The following IQGAP1 variants were observed in gnomAD, a reference collection of about 807,000 sequenced individuals.
IQGAP1 encodes the protein ras GTPase-activating-like protein IQGAP1.
Under a neutral mutation model 215.6 loss-of-function variants are expected in IQGAP1, and 66 were observed. That is an observed-to-expected ratio of 0.31 (90% CI 0.25 to 0.38). IQGAP1 has a LOEUF of 0.38. IQGAP1 is among the 10% of genes least tolerant of loss of function. The probability of loss-of-function intolerance (pLI) is 1.00; values close to 1 mark genes in which losing one functional copy is unlikely to be tolerated. For missense variants in IQGAP1, 1,712 were observed against 1,997.1 expected, an observed-to-expected ratio of 0.86 and a Z score of 2.72; for synonymous variants, 772 against 728.7, an observed-to-expected ratio of 1.06 and a Z score of -0.96.
chr15:90,399,230 C>T (rs1056208694), intron 2 of IQGAP1, among the ~76,000 whole-genome samples: 1 of 151,960 alleles, frequency 6.6e-6, no homozygotes, highest in African/African-American at 2.4e-5. Context: ...GGGATACAGG[C>T]GTGAGCAGCC....
At chr15:90,458,176 TC>T (rs1262469548) in intron 15 of IQGAP1, among the ~76,000 whole-genome samples, 1 of 152,268 alleles carries the variant, frequency 6.6e-6, no homozygotes, top group Non-Finnish European at 1.5e-5. Context: ...GCTTAGTTTA[TC>T]CAAGCTGTAG....
At chr15:90,475,022 G>C (rs570686303) in intron 23 of IQGAP1, among the ~76,000 whole-genome samples, 1 of 121,710 alleles carries the variant, frequency 8.2e-6, no homozygotes. Flanking sequence ...TTTTGCTGAC[G>C]GAGTTTCCCT....
chr15:90,409,119 G>C (rs1425644027), intron 2 of IQGAP1, among the ~76,000 whole-genome samples: 1 of 151,238 alleles, frequency 6.6e-6, no homozygotes, highest in Non-Finnish European at 1.5e-5. Context: ...TTTTCCTGCT[G>C]CTTCTTTCTC....
intron 2 of IQGAP1, among the ~76,000 whole-genome samples, chr15:90,407,564 C>T (rs1964897177): frequency 6.6e-6 from 1 of 152,156 alleles, no homozygotes; most frequent in African/African-American, 2.4e-5. Context: ...ACCCGTGTTG[C>T]AGATTTTCAG....
chr15:90,394,166 A>G (rs1596244945), intron 2 of IQGAP1, among the ~76,000 whole-genome samples: 2 of 132,102 alleles, frequency 1.5e-5, no homozygotes, highest in Non-Finnish European at 3.3e-5. Flanking sequence ...AAGGCAGTGG[A>G]GACATTTGTG....
intron 15 of IQGAP1, among the ~76,000 whole-genome samples, chr15:90,457,491 A>G (rs879497399): frequency 4.6e-5 from 7 of 151,742 alleles, no homozygotes; most frequent in Non-Finnish European, 8.8e-5. Flanking sequence ...CAATGACGCA[A>G]TCTCAGCTCA....
chr15:90,408,466 CATAA>C (rs2151006037), intron 2 of IQGAP1, among the ~76,000 whole-genome samples: 1 of 152,002 alleles, frequency 6.6e-6, no homozygotes, highest in East Asian at 1.9e-4. Flanking sequence ...CCCTTATGTA[CATAA>C]ATAACTATTA....
At chr15:90,388,573 C>T (rs981340694) in intron 1 of IQGAP1, among the ~76,000 whole-genome samples, 177 bp downstream of exon 1, 3 of 152,058 alleles carry the variant, frequency 2.0e-5, no homozygotes, top group African/African-American at 4.8e-5. Context: ...TGGTTCGCGC[C>T]CCCTCGGGGT....
At chr15:90,414,096 C>T (rs1031097607) in intron 2 of IQGAP1, among the ~76,000 whole-genome samples, 1 of 152,146 alleles carries the variant, frequency 6.6e-6, no homozygotes, top group Non-Finnish European at 1.5e-5. Context: ...CAGGACATGT[C>T]ACCATCTCAG....
At chr15:90,425,288 C>T (rs1359339054) in intron 2 of IQGAP1, among the ~76,000 whole-genome samples, 4 of 151,334 alleles carry the variant, frequency 2.6e-5, no homozygotes, top group Non-Finnish European at 5.9e-5. Context: ...CCAGGCTGGG[C>T]AATAGAGTGA....
intron 4 of IQGAP1, among the ~76,000 whole-genome samples, chr15:90,430,158 G>A (rs1259229775): frequency 6.6e-6 from 1 of 152,124 alleles, no homozygotes; most frequent in Non-Finnish European, 1.5e-5. Context: ...GGTCATGGCT[G>A]CAGTTTTGTT....
intron 26 of IQGAP1, 76 bp from the exon 27 acceptor site, chr15:90,481,884 G>T (rs1335608494): frequency 6.8e-7 from 1 of 1,479,200 alleles, no homozygotes; most frequent in African/African-American, 1.4e-5. Flanking sequence ...TATAGTTTAT[G>T]AAAGATAAGA....
chr15:90,445,642 G>A (rs568764572), intron 9 of IQGAP1, among the ~76,000 whole-genome samples: 2 of 152,182 alleles, frequency 1.3e-5, no homozygotes, highest in African/African-American at 2.4e-5. Context: ...AAACTAAAAG[G>A]TTTGATTTCA....
In IQGAP1 at chr15:90,456,146, A is replaced by G; in HGVS notation, c.1613-6A>G. The G allele has an allele frequency of 6.2e-7, 1 of 1,611,092 alleles. No homozygotes were observed. On this transcript the variant is annotated splice_polypyrimidine_tract_variant and splice_region_variant and intron_variant, in intron 14 of 37. Coordinates refer to ENST00000268182, the MANE Select transcript of IQGAP1 (RefSeq NM_003870.4). ...AAAAAAAAACTTTCTGTCTCTTTAT[A>G]TTTAGGGATTTTAGCCATTGGTTTA... is the stretch of plus-strand genomic sequence containing the variant.
At chr15:90,423,978 G>T (rs1257409189) in intron 2 of IQGAP1, among the ~76,000 whole-genome samples, 2 of 152,086 alleles carry the variant, frequency 1.3e-5, no homozygotes, top group Middle Eastern at 3.4e-3. Flanking sequence ...CTCTTTATCC[G>T]TAGTTTTCCC....
At chr15:90,424,231 G>A (rs182998685) in intron 2 of IQGAP1, among the ~76,000 whole-genome samples, 28 of 152,092 alleles carry the variant, frequency 1.8e-4, no homozygotes, top group African/African-American at 6.3e-4. Context: ...ACTATTTTCC[G>A]TACCGACAAC....
At chr15:90,498,848 T>A (rs1309200683) in intron 37 of IQGAP1, among the ~76,000 whole-genome samples, 3 of 150,412 alleles carry the variant, frequency 2.0e-5, no homozygotes, top group Non-Finnish European at 1.5e-5. Context: ...TCGCTCTTAT[T>A]GCCCAAGCTG....
chr15:90,484,560 G>C (rs892890852), intron 30 of IQGAP1, among the ~76,000 whole-genome samples: 1 of 151,982 alleles, frequency 6.6e-6, no homozygotes, highest in South Asian at 2.1e-4. Context: ...CCAGGCTGGA[G>C]TGCAGTGGCG....
chr15:90,444,139 G>C (rs1310943262), intron 9 of IQGAP1, among the ~76,000 whole-genome samples: 4 of 151,512 alleles, frequency 2.6e-5, no homozygotes, highest in African/African-American at 4.9e-5. Flanking sequence ...AATGCAAGCT[G>C]TCTAGAAATA....
Sources: allele counts gnomAD v4.1 joint callset (sites outside exome capture counted in the v4.1 genomes callset), GRCh38; gene constraint gnomAD v4.1.1; transcripts MANE v1.5; gene names NCBI Gene and HGNC (gene_info 2026-07-23, HGNC 2026-07-21).